The following SOD2 variants were observed in gnomAD, a reference collection of about 807,000 sequenced individuals.
SOD2 encodes the protein superoxide dismutase 2, also known as superoxide dismutase [Mn], mitochondrial.
A neutral mutation model predicts 27.0 loss-of-function variants in SOD2; 11 were observed. The observed-to-expected ratio is 0.41, with a 90% CI of 0.26 to 0.67. SOD2 has a LOEUF of 0.67. Ranked by LOEUF, SOD2 falls within the 30% of genes least tolerant of loss-of-function variation. SOD2 has a pLI of 0.34. For synonymous variants in SOD2, 105 were observed against 103.0 expected (o/e 1.02, Z -0.12); for missense variants, 250 against 274.5 (o/e 0.91, Z 0.63).
intron 1 of SOD2, chr6:159,743,879 G>A: frequency 8.1e-6 from 11 of 1,354,240 alleles, no homozygotes; most frequent in Non-Finnish European, 1.1e-5. Flanking sequence ...AACATTTAAT[G>A]CTAAATATAA....
intron 4 of SOD2, among the ~76,000 whole-genome samples, chr6:159,684,383 C>T (rs1393467718): frequency 1.3e-5 from 2 of 151,404 alleles, no homozygotes; most frequent in African/African-American, 4.9e-5. Flanking sequence ...TTCAGGAGGC[C>T]GAGGCAGGCA....
chr6:159,743,854 TACATG>T, intron 1 of SOD2: 1 of 1,483,276 alleles, frequency 6.7e-7, no homozygotes, highest in Non-Finnish European at 9.0e-7. Context: ...TCCACATTAT[TACATG>T]TTAATTTTAA....
chr6:159,752,306 A>G (rs1235037142), intron 1 of SOD2, among the ~76,000 whole-genome samples: 1 of 152,202 alleles, frequency 6.6e-6, no homozygotes, highest in Admixed American at 6.5e-5. Context: ...TCTCAAAGGT[A>G]AATATCACAA....
chr6:159,683,416 CG>C (rs1308957702), intron 4 of SOD2, among the ~76,000 whole-genome samples: 1 of 152,096 alleles, frequency 6.6e-6, no homozygotes, highest in Non-Finnish European at 1.5e-5. Context: ...ACCTGGGAGG[CG>C]GAAGTTGTAG....
intron 1 of SOD2, among the ~76,000 whole-genome samples, chr6:159,754,531 C>G (rs1043769248): frequency 6.6e-6 from 1 of 152,150 alleles, no homozygotes; most frequent in African/African-American, 2.4e-5. Context: ...CAGTTGCCCT[C>G]GGTATCCATG....
chr6:159,727,378 G>A (rs111664512), upstream of SOD2: 28,930 of 450,464 alleles, frequency 0.064, 1,319 homozygotes, highest in Middle Eastern at 0.18. Context: ...GGAGGCTGGC[G>A]GGAGGCGGGA....
chr6:159,694,477 C>T (rs1777379078), upstream of SOD2, among the ~76,000 whole-genome samples: 1 of 152,152 alleles, frequency 6.6e-6, no homozygotes, highest in African/African-American at 2.4e-5. Context: ...CTTGGCTTCA[C>T]AACAGGAAGG....
chr6:159,740,367 T>C (rs910831479), intron 1 of SOD2, among the ~76,000 whole-genome samples: 9 of 152,244 alleles, frequency 5.9e-5, no homozygotes, highest in African/African-American at 2.2e-4. Flanking sequence ...ACATCTTTCC[T>C]TAGGGAATTC....
intron 1 of SOD2, among the ~76,000 whole-genome samples, chr6:159,752,211 G>T: frequency 6.6e-6 from 1 of 152,262 alleles, no homozygotes; most frequent in East Asian, 1.9e-4. Flanking sequence ...AAGAAGGAAA[G>T]ACTAGAATTT....
At chr6:159,717,964 A>G (rs1011403169) in intron 1 of SOD2, among the ~76,000 whole-genome samples, 1 of 149,034 alleles carries the variant, frequency 6.7e-6, no homozygotes, top group African/African-American at 2.5e-5. Flanking sequence ...CACATACACA[A>G]TTTTTTTTTC....
intron 1 of SOD2, among the ~76,000 whole-genome samples, chr6:159,705,333 A>C (rs1315784890): frequency 6.6e-6 from 1 of 152,226 alleles, no homozygotes; most frequent in Admixed American, 6.5e-5. Context: ...GAGCTAAAGA[A>C]GGAAGTCTGA....
upstream of SOD2, among the ~76,000 whole-genome samples, chr6:159,729,113 A>G (rs147695896): frequency 4.8e-3 from 728 of 152,296 alleles, 8 homozygotes; most frequent in African/African-American, 0.017. Flanking sequence ...GGAGATGAGC[A>G]TTGTCACAAT....
intron 1 of SOD2, chr6:159,756,288 C>T (rs1583113830): frequency 6.6e-6 from 1 of 152,642 alleles, no homozygotes; most frequent in East Asian, 1.9e-4. Context: ...ACTGACCAAA[C>T]CTAAATAAAG....
chr6:159,755,635 C>T, intron 1 of SOD2: 10 of 1,557,154 alleles, frequency 6.4e-6, no homozygotes, highest in East Asian at 2.3e-5. Context: ...AATTTTTATA[C>T]AGTGTCATTT....
chr6:159,692,924 G>A (rs1245118056), intron 1 of SOD2, 61 bp from the exon 2 acceptor site: 2 of 1,442,278 alleles, frequency 1.4e-6, no homozygotes, highest in East Asian at 2.6e-5. Context: ...CGCAGGCTGG[G>A]CTGCCGAGGA....
At chr6:159,718,318 A>G (rs1400759997) in intron 1 of SOD2, among the ~76,000 whole-genome samples, 1 of 152,074 alleles carries the variant, frequency 6.6e-6, no homozygotes, top group African/African-American at 2.4e-5. Flanking sequence ...CATTTTCCTT[A>G]TCCATTCATC....
chr6:159,689,500 G>GA (rs949131401), intron 2 of SOD2, among the ~76,000 whole-genome samples: 3 of 152,022 alleles, frequency 2.0e-5, no homozygotes, highest in African/African-American at 7.2e-5. Context: ...ATTAATATTA[G>GA]AAAAAAATGG....
rs1779713148 is a variant in SOD2, at chr6:159,673,572, A to C, written c.*8921T>G. On this transcript the variant is annotated 3_prime_UTR_variant, in exon 5 of 5. Transcript: ENST00000538183. ...AACGAGAACAAAGACACAACATACC[A>C]GAATCTCTGGGACACATTTAAAGCA... 6.6e-6 allele frequency: 1 copy of C among 152,250 alleles called. No homozygotes were observed. Among genetic ancestry groups the C allele is most frequent in the South Asian group, 2.1e-4 (1 of 4,828 alleles). The allele number at this position is 152,250 out of a possible 1,614,324, so 9.4% of individuals were successfully genotyped here.
exon 1 of SOD2, chr6:159,761,954 G>A (rs1329052344): frequency 9.7e-7 from 1 of 1,025,926 alleles, no homozygotes; most frequent in South Asian, 1.4e-5. Context: ...TGCGCGGGGA[G>A]GTGGTGCGCG....
Sources: allele counts gnomAD v4.1 joint callset (sites outside exome capture counted in the v4.1 genomes callset), GRCh38; gene constraint gnomAD v4.1.1; transcripts MANE v1.5; gene names NCBI Gene and HGNC (gene_info 2026-07-23, HGNC 2026-07-21).